Variants in SEPTIN9 observed in about 807,000 individuals in gnomAD.
SEPTIN9 encodes septin 9, also known as septin-9.
In SEPTIN9, 13 loss-of-function variants were observed where a neutral mutation model predicts 56.6. That is an observed-to-expected ratio of 0.23 (90% CI 0.15 to 0.37). SEPTIN9 has a LOEUF of 0.37. SEPTIN9 is among the 10% of genes least tolerant of loss of function. The pLI is 1.00. For missense variants in SEPTIN9, 650 were observed against 823.1 expected (o/e 0.79, Z 2.57); for synonymous variants, 332 against 334.1 (o/e 0.99, Z 0.07).
chr17:77,296,248 T>C (rs1001300896), intron 1 of SEPTIN9, among the ~76,000 whole-genome samples: 1 of 152,112 alleles, frequency 6.6e-6, no homozygotes, highest in African/African-American at 2.4e-5. Flanking sequence ...TTTAAGTCAC[T>C]CCCTCCACAG....
chr17:77,385,129 T>G (rs1011605944), intron 2 of SEPTIN9, among the ~76,000 whole-genome samples: 13 of 151,382 alleles, frequency 8.6e-5, no homozygotes, highest in Non-Finnish European at 1.5e-4. Context: ...CCCAGGAGTT[T>G]GAGACCAGCC....
intron 3 of SEPTIN9, among the ~76,000 whole-genome samples, chr17:77,417,254 G>A (rs539633249): frequency 6.6e-6 from 1 of 152,220 alleles, no homozygotes; most frequent in Non-Finnish European, 1.5e-5. Flanking sequence ...GATGCTCAGT[G>A]TCATTTCACG....
At chr17:77,467,051 G>A (rs434586) in intron 3 of SEPTIN9, among the ~76,000 whole-genome samples, 11,222 of 152,136 alleles carry the variant, frequency 0.074, 1,351 homozygotes, top group African/African-American at 0.25. Flanking sequence ...TACTAAATCC[G>A]CTCTGCCGGT....
intron 3 of SEPTIN9, among the ~76,000 whole-genome samples, chr17:77,412,531 G>A (rs62077374): frequency 0.042 from 6,412 of 152,220 alleles, 220 homozygotes; most frequent in Admixed American, 0.12. Context: ...GAGCTTAGGA[G>A]TTCGAGACCA....
chr17:77,418,327 C>T (rs551465549), intron 3 of SEPTIN9, among the ~76,000 whole-genome samples: 29 of 152,236 alleles, frequency 1.9e-4, no homozygotes, highest in African/African-American at 6.7e-4. Flanking sequence ...CTCTGAGAGC[C>T]GCCTGGCCTC....
At chr17:77,364,106 G>A (rs1489596754) in intron 2 of SEPTIN9, among the ~76,000 whole-genome samples, 1 of 152,224 alleles carries the variant, frequency 6.6e-6, no homozygotes, top group Non-Finnish European at 1.5e-5. Context: ...GCTGCCGGCT[G>A]GCTTCCAGAG....
At chr17:77,423,576 TTGTC>T (rs1349036716) in intron 3 of SEPTIN9, among the ~76,000 whole-genome samples, 4 of 152,312 alleles carry the variant, frequency 2.6e-5, no homozygotes, top group African/African-American at 9.6e-5. Context: ...GCCCTGGCCA[TTGTC>T]CAGTGACCCC....
chr17:77,444,325 G>A (rs1012511847), intron 3 of SEPTIN9, among the ~76,000 whole-genome samples: 2 of 152,236 alleles, frequency 1.3e-5, no homozygotes, highest in African/African-American at 2.4e-5. Context: ...AGCGAGATGG[G>A]AGGTGGGTGT....
chr17:77,333,919 C>T (rs1224335854), intron 2 of SEPTIN9, among the ~76,000 whole-genome samples: 4 of 62,054 alleles, frequency 6.4e-5, no homozygotes, highest in African/African-American at 2.0e-4. Context: ...TATCTGTCCA[C>T]GTCTTACTTC....
At chr17:77,455,619 C>T (rs1367782658) in intron 3 of SEPTIN9, among the ~76,000 whole-genome samples, 1 of 152,204 alleles carries the variant, frequency 6.6e-6, no homozygotes, top group African/African-American at 2.4e-5. Context: ...CAGATTCAGC[C>T]CTGAACCTGC....
intron 3 of SEPTIN9, among the ~76,000 whole-genome samples, chr17:77,465,000 A>C (rs183676269): frequency 1.1e-4 from 16 of 151,738 alleles, no homozygotes; most frequent in African/African-American, 3.9e-4. Flanking sequence ...CCCATTCCCA[A>C]CTCCGGGCTC....
intron 2 of SEPTIN9, among the ~76,000 whole-genome samples, chr17:77,386,472 G>A (rs2035340938): frequency 6.6e-6 from 1 of 152,260 alleles, no homozygotes; most frequent in Admixed American, 6.5e-5. Flanking sequence ...AGAGGTCACA[G>A]TGCTGAGCTG....
intron 2 of SEPTIN9, among the ~76,000 whole-genome samples, chr17:77,366,014 A>C (rs1363344529): frequency 6.6e-6 from 1 of 152,102 alleles, no homozygotes; most frequent in Non-Finnish European, 1.5e-5. Flanking sequence ...TAGGGAGGCC[A>C]GGACACCAAG....
At chr17:77,462,446 G>C (rs896906655) in intron 3 of SEPTIN9, among the ~76,000 whole-genome samples, 2 of 152,074 alleles carry the variant, frequency 1.3e-5, no homozygotes, top group African/African-American at 4.8e-5. Context: ...CACCCCGCCT[G>C]GCTAATTTTT....
chr17:77,415,557 G>C (rs191439977), intron 3 of SEPTIN9, among the ~76,000 whole-genome samples: 44 of 151,864 alleles, frequency 2.9e-4, no homozygotes, highest in African/African-American at 1.0e-3. Flanking sequence ...GAACCTAGGA[G>C]GTGGAGGTTG....
At chr17:77,426,130 C>T (rs2036900538) in intron 3 of SEPTIN9, among the ~76,000 whole-genome samples, 1 of 152,102 alleles carries the variant, frequency 6.6e-6, no homozygotes, top group African/African-American at 2.4e-5. Flanking sequence ...CACCCCGCCC[C>T]CCACCTCTGG....
At chr17:77,460,018 C>T (rs1434091244) in intron 3 of SEPTIN9, among the ~76,000 whole-genome samples, 1 of 152,030 alleles carries the variant, frequency 6.6e-6, no homozygotes, top group Admixed American at 6.6e-5. Context: ...ACTTTGTGAC[C>T]GTGGGGAGGG....
intron 2 of SEPTIN9, chr17:77,373,691 C>A: frequency 7.3e-7 from 1 of 1,366,828 alleles, no homozygotes; most frequent in Non-Finnish European, 9.5e-7. Flanking sequence ...AGGCGCCCTC[C>A]CGCTGAGAGC....
intron 2 of SEPTIN9, among the ~76,000 whole-genome samples, chr17:77,365,055 T>C (rs897713385): frequency 1.3e-5 from 2 of 152,238 alleles, no homozygotes; most frequent in South Asian, 2.1e-4. Context: ...CCAGCCCTTA[T>C]GTGGTTCGGT....
Sources: gnomAD v4.1 joint callset for allele counts (sites outside exome capture counted in the v4.1 genomes callset) on GRCh38, gnomAD v4.1.1 for gene constraint, MANE v1.5 for transcripts, NCBI Gene and HGNC (gene_info 2026-07-23, HGNC 2026-07-21) for gene names.